Variants in RERE observed in about 807,000 individuals in gnomAD.
RERE encodes the protein arginine-glutamic acid dipeptide repeats protein.
Under a neutral mutation model 146.1 loss-of-function variants are expected in RERE, and 40 were observed. The ratio of observed to expected loss-of-function variants is 0.27; its 90% CI spans 0.21 to 0.36. The LOEUF is 0.36. RERE is among the 10% of genes least tolerant of loss of function. The pLI is 1.00. For synonymous variants in RERE, 1,003 were observed against 866.0 expected (o/e 1.16, Z -2.78); for missense variants, 1,933 against 2,138.7 (o/e 0.90, Z 1.90).
intron 1 of RERE, among the ~76,000 whole-genome samples, chr1:8,811,483 T>C (rs1223265797): frequency 6.6e-6 from 1 of 152,062 alleles, no homozygotes; most frequent in Non-Finnish European, 1.5e-5. Context: ...ACACCTCTAG[T>C]CCCAGTCCCA....
chr1:8,647,678 T>C (rs1009771634), intron 2 of RERE, among the ~76,000 whole-genome samples: 49 of 150,336 alleles, frequency 3.3e-4, no homozygotes, highest in African/African-American at 1.2e-3. Flanking sequence ...TGTGTGTGTG[T>C]CCCCTGGAAC....
At chr1:8,363,978 C>T (rs1207279258) in intron 15 of RERE, 78 bp downstream of exon 15, 1 of 1,360,198 alleles carries the variant, frequency 7.4e-7, no homozygotes, top group African/African-American at 1.4e-5. Context: ...CGCTTCCTCC[C>T]CCTGGGAGGC....
chr1:8,460,194 C>T (rs1236945901), intron 11 of RERE, among the ~76,000 whole-genome samples: 2 of 152,156 alleles, frequency 1.3e-5, no homozygotes, highest in African/African-American at 2.4e-5. Flanking sequence ...TAAGCAGCCC[C>T]GTCTTCTGGC....
At chr1:8,809,565 C>T (rs758463275) in intron 1 of RERE, among the ~76,000 whole-genome samples, 1 of 152,148 alleles carries the variant, frequency 6.6e-6, no homozygotes, top group Non-Finnish European at 1.5e-5. Context: ...GACTCTAAGA[C>T]TCATAATGTT....
At position 8,654,625 on chromosome 1, in the gene RERE, GTTTTGTTTTT is replaced by G. The variant is rs544163212; in HGVS notation, c.325+1338_325+1347del. On this transcript the variant is annotated intron_variant, in intron 2 of 22. Coordinates refer to ENST00000400908, the MANE Select transcript of RERE (RefSeq NM_001042681.2). The stretch of plus-strand genomic sequence containing the variant: ...ACTGGCTTCTGTAAGAAAGGATCTT[GTTTTGTTTTT>G]TTTTGTTTTTTTTTTTGAGACAGGG... 1.8e-3 allele frequency among the ~76,000 whole-genome samples: 273 copies of G among 148,224 alleles called. 5 individuals are homozygous for G. The highest frequency in any genetic ancestry group is 6.5e-3 in the African/African-American group (262 of 40,126).
chr1:8,389,158 A>C (rs1642791829), intron 12 of RERE, among the ~76,000 whole-genome samples: 1 of 152,176 alleles, frequency 6.6e-6, no homozygotes, highest in African/African-American at 2.4e-5. Context: ...AATCAGTCTA[A>C]AATAAGCAGA....
intron 1 of RERE, among the ~76,000 whole-genome samples, chr1:8,721,768 CT>C (rs1423876729): frequency 1.3e-5 from 2 of 152,192 alleles, no homozygotes; most frequent in Non-Finnish European, 2.9e-5. Context: ...ATATGTTCTC[CT>C]TTCTGACTGC....
intron 1 of RERE, among the ~76,000 whole-genome samples, chr1:8,803,879 C>T (rs548886649): frequency 9.2e-5 from 14 of 152,132 alleles, no homozygotes; most frequent in Non-Finnish European, 1.9e-4. Flanking sequence ...GTTTCTGTAG[C>T]GTCAAAAGTG....
chr1:8,627,058 CTCT>C (rs1164370968), intron 2 of RERE, among the ~76,000 whole-genome samples: 3 of 151,778 alleles, frequency 2.0e-5, no homozygotes, highest in Non-Finnish European at 2.9e-5. Context: ...GTCTGCAAAA[CTCT>C]TCTTCTCTCC....
At position 8,365,796 on chromosome 1, in the gene RERE, C is replaced by T. The variant is rs1162532238; in HGVS notation, c.1447+16G>A. On this transcript the variant is annotated intron_variant, in intron 13 of 22. Transcript: ENST00000400908. ...GTCTCCCCTCCGCCCACTGTGATGC[C>T]AAGACCCCTACTCACAGAATTCACT... 1 of 1,613,636 alleles carries T rather than the reference C, an allele frequency of 6.2e-7. No homozygotes were observed. The highest frequency in any genetic ancestry group is 1.7e-5 in the Admixed American group (1 of 60,012).
At position 8,688,560 on chromosome 1, in the gene RERE, CA is replaced by C. The variant is rs59131646; in HGVS notation, c.-144-32120del. Among the ~76,000 whole-genome samples the C allele has an allele frequency of 1.1e-3, 156 of 137,158 alleles. 2 individuals carry two copies. The highest frequency in any genetic ancestry group is 9.4e-3 in the South Asian group (41 of 4,362). 90.0% of individuals were successfully genotyped at this position (137,158 alleles called of 152,430 possible). Reference sequence around the variant, plus strand: ...TGGGCAAAAGAGTAAGACTCCATCTCAAAAAAAAAAAAATTAAAATTAAAAT... The same window carrying C: ...TGGGCAAAAGAGTAAGACTCCATCTCAAAAAAAAAAAATTAAAATTAAAAT... On this transcript the variant is annotated intron_variant, in intron 1 of 22. Transcript: ENST00000400908.
chr1:8,660,400 G>T (rs1348466310), intron 1 of RERE, among the ~76,000 whole-genome samples: 3 of 152,172 alleles, frequency 2.0e-5, no homozygotes, highest in Non-Finnish European at 4.4e-5. Context: ...TACAACAACA[G>T]CATCTTTATT....
intron 10 of RERE, among the ~76,000 whole-genome samples, chr1:8,476,605 G>A (rs1644760034): frequency 6.6e-6 from 1 of 152,128 alleles, no homozygotes. Context: ...TGCTCAGTCT[G>A]GAAAATCTAA....
chr1:8,364,903 G>A lies in RERE; in HGVS notation c.1448-65C>T, dbSNP rs1203364611. The A allele has an allele frequency of 9.1e-6, 7 of 767,990 alleles. No homozygotes were observed. The highest frequency in any genetic ancestry group is 4.4e-5 in the Admixed American group (2 of 45,444). 47.6% of individuals were successfully genotyped at this position (767,990 alleles called of 1,614,324 possible). On this transcript the variant is annotated intron_variant, in intron 13 of 22. Coordinates refer to ENST00000400908, the MANE Select transcript of RERE (RefSeq NM_001042681.2). This position sits in a 1 kb window ranked among gnomAD's most constrained non-coding sequence, Gnocchi z 5.1. ...CATCATGCTCAGCCAAGGCTGGGCC[G>A]GTGGGGTGGGGGGGAGGGGGGAACA...
chr1:8,455,469 C>T (rs1644443402), intron 11 of RERE, among the ~76,000 whole-genome samples: 1 of 152,282 alleles, frequency 6.6e-6, no homozygotes, highest in East Asian at 1.9e-4. Context: ...CATCAGTACA[C>T]ATCAGGTGAT....
In RERE at chr1:8,356,704, C is replaced by A. The variant is rs535917882; in HGVS notation, c.4340-458G>T. On this transcript the variant is annotated intron_variant, in intron 20 of 22. Transcript: ENST00000400908. This position sits in a 1 kb window ranked among gnomAD's most constrained non-coding sequence, Gnocchi z 5.2. ...TAAAGGAGGCCAGCAGAGTGGGTGG[C>A]GCAGAATGGGGACCTGGCACAGCAC... 3.5e-4 allele frequency among the ~76,000 whole-genome samples: 54 copies of A among 152,284 alleles called. No individual in the cohort carries two copies. Among genetic ancestry groups the A allele is most frequent in the African/African-American group, 1.3e-3 (53 of 41,560 alleles).
chr1:8,514,291 G>A (rs765493475), intron 7 of RERE, among the ~76,000 whole-genome samples: 1 of 152,238 alleles, frequency 6.6e-6, no homozygotes, highest in Non-Finnish European at 1.5e-5. Flanking sequence ...CTTTCAAAGA[G>A]TAACTGATAT....
At chr1:8,800,720 C>T (rs1641572619) in intron 1 of RERE, among the ~76,000 whole-genome samples, 1 of 152,174 alleles carries the variant, frequency 6.6e-6, no homozygotes, top group African/African-American at 2.4e-5. Context: ...AATCCCAGCA[C>T]TTTGGGAGGC....
chr1:8,699,446 C>T (rs774783704), intron 1 of RERE, among the ~76,000 whole-genome samples: 1 of 152,130 alleles, frequency 6.6e-6, no homozygotes, highest in African/African-American at 2.4e-5. Context: ...GACTAAGCAT[C>T]AACATTATTC....
Sources: allele counts gnomAD v4.1 joint callset (sites outside exome capture counted in the v4.1 genomes callset), GRCh38; gene constraint gnomAD v4.1.1; non-coding constraint Gnocchi (gnomAD v3.1); transcripts MANE v1.5; gene names NCBI Gene and HGNC (gene_info 2026-07-23, HGNC 2026-07-21).